Variants in EEF1D observed in about 807,000 individuals in gnomAD.
EEF1D encodes elongation factor 1-delta.
In EEF1D, 47 loss-of-function variants were observed where a neutral mutation model predicts 63.9. That is an observed-to-expected ratio of 0.74 (90% CI 0.58 to 0.94). The LOEUF (loss-of-function observed/expected upper bound fraction) is 0.94. Ranked by LOEUF, EEF1D falls within the 40% of genes least tolerant of loss-of-function variation. The pLI, the probability that EEF1D is intolerant of heterozygous loss-of-function variation, is 0.00. For synonymous variants in EEF1D, 412 were observed against 386.1 expected (o/e 1.07, Z -0.79); for missense variants, 907 against 899.0 (o/e 1.01, Z -0.11).
Position 143,579,801 on chromosome 8 carries a change from G to T in EEF1D, c.1935C>A (p.Asn645Lys). The change falls in exon 10 of 10, where the codon AAC (asparagine) becomes AAA (lysine). Residue 645 changes from asparagine (N) to lysine (K), a missense_variant. Coordinates refer to ENST00000618139, the MANE Select transcript of EEF1D (RefSeq NM_001130053.5). ...HVQSVDIAAF[N>K]KI ...TACACACACTCAGGCTTCAGATCTTGTTGAAAGCTGCGATATCGACACTCT... is the reference window on the plus strand; with the variant it reads ...TACACACACTCAGGCTTCAGATCTTTTTGAAAGCTGCGATATCGACACTCT... 6.4e-7 allele frequency: 1 copy of T among 1,564,862 alleles called. No individual in the cohort carries two copies. Among genetic ancestry groups the T allele is most frequent in the Non-Finnish European group, 8.7e-7 (1 of 1,153,120 alleles).
At chr8:143,586,422 G>C in intron 4 of EEF1D, 132 bp from the exon 5 acceptor site, 1 of 877,828 alleles carries the variant, frequency 1.1e-6, no homozygotes, top group Non-Finnish European at 1.7e-6. Flanking sequence ...CGAGAGCTTG[G>C]CGGGCCAGAA....
In EEF1D at chr8:143,593,813, C is replaced by T. The variant is rs545658043; in HGVS notation, c.-14-1153G>A. ...CCTCCCAGGACAGCCAGCACAGCCCCCCACACGTCCGAGCCCACCTCCTCA... is the reference window on the plus strand; with the variant it reads ...CCTCCCAGGACAGCCAGCACAGCCCTCCACACGTCCGAGCCCACCTCCTCA... On this transcript the variant is annotated intron_variant, in intron 1 of 9. Transcript: ENST00000618139. 5 of 974,644 alleles carry T rather than the reference C, an allele frequency of 5.1e-6. No homozygotes were observed. The Admixed American group carries it at 3.1e-4, about 60-fold the overall frequency. The allele number at this position is 974,644 out of a possible 1,614,324, so 60.4% of individuals were successfully genotyped here.
intron 2 of EEF1D, chr8:143,592,309 T>G (rs1397014262): frequency 5.1e-6 from 5 of 982,550 alleles, no homozygotes; most frequent in Non-Finnish European, 4.8e-6. Flanking sequence ...GACTATGTTC[T>G]TGGGGGCTCC....
intron 1 of EEF1D, chr8:143,594,115 C>T (rs1232785563): frequency 6.0e-6 from 1 of 165,306 alleles, no homozygotes; most frequent in East Asian, 1.9e-4. Flanking sequence ...GAGAAGCAGT[C>T]TTGGAAACGC....
Position 143,586,412 on chromosome 8 carries a change from C to T in EEF1D, c.1216-122G>A, listed in dbSNP as rs184705686. 268 of 999,814 alleles carry T rather than the reference C, an allele frequency of 2.7e-4. 1 individual carries two copies. The East Asian group carries it at 5.9e-3, about 22-fold the overall frequency. 61.9% of individuals were successfully genotyped at this position (999,814 alleles called of 1,614,324 possible). A position where few individuals can be genotyped will look rare whatever the true frequency, so the allele number is the denominator to read the frequency against. Reference sequence around the variant, plus strand: ...GACAGCAAGAAAGTACTGCACAGAACGAGAGCTTGGCGGGCCAGAAAAGCG... The same window carrying T: ...GACAGCAAGAAAGTACTGCACAGAATGAGAGCTTGGCGGGCCAGAAAAGCG... On this transcript the variant is annotated intron_variant, in intron 4 of 9. Transcript: ENST00000618139.
At chr8:143,582,225 CTTGT>C (rs1192000553) in intron 5 of EEF1D, 6 of 152,368 alleles carry the variant, frequency 3.9e-5, no homozygotes, top group African/African-American at 1.4e-4. Context: ...GTGGGGAATG[CTTGT>C]TTATGTATCT....
At chr8:143,587,984 C>T (rs901589795) in intron 3 of EEF1D, among the ~76,000 whole-genome samples, 1 of 152,192 alleles carries the variant, frequency 6.6e-6, no homozygotes, top group Non-Finnish European at 1.5e-5. Context: ...TCCGGACCAT[C>T]GCTGGACCTT....
At chr8:143,579,931 C>T (rs1424677495) in intron 9 of EEF1D, 81 bp downstream of exon 9, 2 of 1,555,862 alleles carry the variant, frequency 1.3e-6, no homozygotes, top group Non-Finnish European at 1.7e-6. Context: ...ACTCGCTCCC[C>T]ACTGCCGTGG....
chr8:143,590,571 A>G (rs1032221498), intron 2 of EEF1D: 17 of 1,084,654 alleles, frequency 1.6e-5, no homozygotes, highest in Non-Finnish European at 1.7e-5. Context: ...TCCTGGCCAC[A>G]CCACTGCCAC....
chr8:143,589,188 G>T lies in EEF1D; in HGVS notation c.894C>A (p.Ala298=). 6.3e-7 allele frequency: 1 copy of T among 1,596,804 alleles called. No homozygotes were observed. The highest frequency in any genetic ancestry group is 8.5e-7 in the Non-Finnish European group (1 of 1,170,230). ...RAGLRRADGE[A]PSALPYCYFL... ...AGTAACAGTAGGGCAAGGCAGAGGG[G>T]GCCTCCCCATCGGCCCGTCGCAGCC... Residue 298 remains alanine, a synonymous_variant, in exon 3 of 10, where the codon GCC becomes GCA. Coordinates refer to ENST00000618139, the MANE Select transcript of EEF1D (RefSeq NM_001130053.5).
Position 143,588,873 on chromosome 8 carries a change from T to G in EEF1D, c.1091+118A>C. On this transcript the variant is annotated intron_variant, in intron 3 of 9. Coordinates refer to ENST00000618139, the MANE Select transcript of EEF1D (RefSeq NM_001130053.5). The stretch of plus-strand genomic sequence containing the variant: ...CATTCAACTCTGCTGGGCCCACGGG[T>G]CTCGGGGAGCCCCCACCCCAGGTGG... The G allele has an allele frequency of 5.9e-6, 8 of 1,357,448 alleles. No individual in the cohort carries two copies. In the South Asian group the frequency reaches 1.2e-4, roughly 20 times the overall value. The allele number at this position is 1,357,448 out of a possible 1,614,324, so 84.1% of individuals were successfully genotyped here. A position where few individuals can be genotyped will look rare whatever the true frequency, so the allele number is the denominator to read the frequency against.
intron 1 of EEF1D, among the ~76,000 whole-genome samples, chr8:143,593,280 ATGT>A (rs1828275773): frequency 3.3e-5 from 5 of 152,082 alleles, no homozygotes; most frequent in Non-Finnish European, 7.4e-5. Flanking sequence ...CTCTCCCACA[ATGT>A]GCACACAAGG....
rs755225117 is a variant in EEF1D, at chr8:143,580,527, G to A, written c.1689C>T (p.Ser563=). 3 of 1,612,784 alleles carry A rather than the reference G, an allele frequency of 1.9e-6. No individual in the cohort carries two copies. The highest frequency in any genetic ancestry group is 2.2e-5 in the East Asian group (1 of 44,882). ...TCACAGGCTTGACATCCAGCAGGAT[G>A]GAGGACTTGGCCACCAGTGCAGGCT... ...AKKPALVAKS[S]ILLDVKPWDD... Residue 563 remains serine (S), a synonymous_variant, in exon 8 of 10, where the codon TCC becomes TCT. Transcript: ENST00000618139.
intron 1 of EEF1D, among the ~76,000 whole-genome samples, chr8:143,593,215 G>C (rs150192336): frequency 6.6e-6 from 1 of 151,874 alleles, no homozygotes; most frequent in African/African-American, 2.4e-5. Flanking sequence ...CCACCGTCAA[G>C]ACAGGGCTGG....
intron 2 of EEF1D, 139 bp from the exon 3 acceptor site, chr8:143,590,220 T>C: frequency 8.1e-7 from 1 of 1,227,660 alleles, no homozygotes; most frequent in Non-Finnish European, 1.1e-6. Context: ...TGCTCCCCAG[T>C]GGGGCTTCCA....
At chr8:143,591,966 G>A in intron 2 of EEF1D, 2 of 925,394 alleles carry the variant, frequency 2.2e-6, no homozygotes, top group Non-Finnish European at 2.6e-6. Context: ...GAATCCCGCA[G>A]TCCCAGCAAC....
chr8:143,589,242 G>T lies in EEF1D; in HGVS notation c.840C>A (p.Gly280=), dbSNP rs1237114322. 1 of 1,557,058 alleles carries T rather than the reference G, an allele frequency of 6.4e-7. No homozygotes were observed. Among genetic ancestry groups the T allele is most frequent in the Admixed American group, 1.9e-5 (1 of 53,060 alleles). Residue 280 remains glycine, a synonymous_variant, in exon 3 of 10, where the codon GGC becomes GGA. Coordinates refer to ENST00000618139, the MANE Select transcript of EEF1D (RefSeq NM_001130053.5). The part of the protein sequence containing the change: ...GARRGRRDRR[G]RNILGNKRAG... Reference sequence around the variant, plus strand: ...CCCGCTTGTTCCCTAAGATGTTGCGGCCCCGCCGGTCTCTGCGGCCCCGCC... The same window carrying T: ...CCCGCTTGTTCCCTAAGATGTTGCGTCCCCGCCGGTCTCTGCGGCCCCGCC...
chr8:143,579,770 C>A lies in EEF1D; in HGVS notation c.*22G>T. 6.5e-7 allele frequency: 1 copy of A among 1,536,020 alleles called. No homozygotes were observed. Among genetic ancestry groups the A allele is most frequent in the Admixed American group, 2.1e-5 (1 of 48,036 alleles). Reference sequence around the variant, plus strand: ...ATCGTGGCAGGGCCTCACGCACGCGCGCACGTACACACACTCAGGCTTCAG... The same window carrying A: ...ATCGTGGCAGGGCCTCACGCACGCGAGCACGTACACACACTCAGGCTTCAG... On this transcript the variant is annotated 3_prime_UTR_variant, in exon 10 of 10. Transcript: ENST00000618139.
rs767599078 is a variant in EEF1D, at chr8:143,586,681, T to C, written c.1215+48A>G. The C allele has an allele frequency of 3.1e-6, 5 of 1,600,880 alleles. No homozygotes were observed. In the African/African-American group the frequency reaches 6.7e-5, roughly 21 times the overall value. On this transcript the variant is annotated intron_variant, in intron 4 of 9. Coordinates refer to ENST00000618139, the MANE Select transcript of EEF1D (RefSeq NM_001130053.5). ...AATCCGCTTTGTGTGCCCCGGCCAC[T>C]CCTGTCGGGCAGCAGAGCCGCCCAG...
Sources: gnomAD v4.1 joint callset for allele counts (sites outside exome capture counted in the v4.1 genomes callset) on GRCh38, gnomAD v4.1.1 for gene constraint, MANE v1.5 for transcripts, NCBI Gene and HGNC (gene_info 2026-07-23, HGNC 2026-07-21) for gene names.